TNPO1: variants seen among roughly 807,000 people sequenced by gnomAD.
TNPO1 encodes the protein transportin-1.
In TNPO1, 8 loss-of-function variants were observed where a neutral mutation model predicts 119.5. The ratio of observed to expected loss-of-function variants is 0.07; its 90% CI spans 0.04 to 0.12. The LOEUF is 0.12. TNPO1 is among the 10% of genes least tolerant of loss of function. The probability of loss-of-function intolerance (pLI) is 1.00; values close to 1 mark genes in which losing one functional copy is unlikely to be tolerated. For missense variants in TNPO1, 576 were observed against 1,089.8 expected, an observed-to-expected ratio of 0.53 and a Z score of 6.64; for synonymous variants, 362 against 363.0, an observed-to-expected ratio of 1.00 and a Z score of 0.03.
intron 5 of TNPO1, 34 bp from the exon 6 acceptor site, chr5:72,865,562 A>G: frequency 6.2e-7 from 1 of 1,606,364 alleles, no homozygotes. Context: ...TTCATTTTTA[A>G]CAAATTCTGA....
At chr5:72,898,871 A>G (rs1335224501) in intron 20 of TNPO1, among the ~76,000 whole-genome samples, 5 of 151,982 alleles carry the variant, frequency 3.3e-5, no homozygotes, top group Admixed American at 3.3e-4. Context: ...ATCCTTAAAC[A>G]TTTTTCTTTA....
intron 15 of TNPO1, among the ~76,000 whole-genome samples, chr5:72,892,419 C>T (rs1749129404): frequency 6.6e-6 from 1 of 152,066 alleles, no homozygotes; most frequent in African/African-American, 2.4e-5. Context: ...TTCTTGCTCC[C>T]TGTTATTTCA....
chr5:72,878,569 A>C (rs1375125598), intron 9 of TNPO1: 1 of 153,142 alleles, frequency 6.5e-6, no homozygotes, highest in South Asian at 2.1e-4. Context: ...TTTTCTTTCC[A>C]TCAAGAAAGC....
chr5:72,865,812 C>T, intron 6 of TNPO1, 83 bp downstream of exon 6: 1 of 1,386,436 alleles, frequency 7.2e-7, no homozygotes, highest in South Asian at 1.4e-5. Flanking sequence ...ATATTTTTGA[C>T]ATTAGCAAAA....
rs777986133 is a variant in TNPO1 at position 72,887,161 on chromosome 5, T to C, written c.1242T>C (p.Leu414=). The C allele has an allele frequency of 3.1e-6, 5 of 1,614,012 alleles. No individual in the cohort carries two copies. In the Admixed American group the frequency reaches 8.3e-5, roughly 27 times the overall value. The part of the protein sequence containing the change: ...PHILPLLKEL[L]FHHEWVVKES... ...TTTTGCCCCTTTTGAAAGAATTACT[T>C]TTTCATCATGAATGGGTTGTTAAAG... Residue 414 remains leucine (L), a synonymous_variant, in exon 12 of 25, where the codon CTT becomes CTC. Transcript: ENST00000337273.
chr5:72,904,811 A>C (rs539282022), intron 23 of TNPO1, among the ~76,000 whole-genome samples: 6 of 152,178 alleles, frequency 3.9e-5, no homozygotes, highest in Non-Finnish European at 7.4e-5. Context: ...CACACACACA[A>C]AAAGATATGC....
At position 72,863,433 on chromosome 5, in the gene TNPO1, A is replaced by G. The variant is rs1746633352; in HGVS notation, c.462+1519A>G. Among the ~76,000 whole-genome samples the G allele has an allele frequency of 2.0e-5, 3 of 152,046 alleles. No individual in the cohort carries two copies. The South Asian group carries it at 6.2e-4, about 31-fold the overall frequency. On this transcript the variant is annotated intron_variant, in intron 5 of 24. Coordinates refer to ENST00000337273, the MANE Select transcript of TNPO1 (RefSeq NM_002270.4). ...GGGCAATATGGTAAAACCCTATTAG[A>G]AGAAATTGGCCAGGTGTGATGTGTG...
rs967344455 is a variant in TNPO1, at chr5:72,911,515, G to C, written c.*2842G>C. 1 of 152,468 alleles carries C rather than the reference G, an allele frequency of 6.6e-6. No homozygotes were observed. Among genetic ancestry groups the C allele is most frequent in the Non-Finnish European group, 1.5e-5 (1 of 67,940 alleles). The allele number at this position is 152,468 out of a possible 1,614,324, so 9.4% of individuals were successfully genotyped here. On this transcript the variant is annotated 3_prime_UTR_variant, in exon 25 of 25. Coordinates refer to ENST00000337273, the MANE Select transcript of TNPO1 (RefSeq NM_002270.4). ...GAAGCCATTTAAGTTATCTTTTGAG[G>C]TAAGCTCTGATTTAGCATTTATTCT...
chr5:72,868,456 A>AAC (rs1446515320), intron 6 of TNPO1, among the ~76,000 whole-genome samples: 2 of 133,174 alleles, frequency 1.5e-5, no homozygotes, highest in Non-Finnish European at 1.8e-5. Context: ...AAAAAAAAAA[A>AAC]AAACACAAAA....
intron 9 of TNPO1, among the ~76,000 whole-genome samples, chr5:72,880,713 G>A (rs2112410190): frequency 6.6e-6 from 1 of 151,800 alleles, no homozygotes; most frequent in African/African-American, 2.4e-5. Context: ...CTACTTGGGT[G>A]GCTGAGGCAG....
chr5:72,861,416 A>AT (rs1310437999), intron 4 of TNPO1, among the ~76,000 whole-genome samples: 1 of 151,974 alleles, frequency 6.6e-6, no homozygotes, highest in East Asian at 1.9e-4. Context: ...AGTGTTACTA[A>AT]TTTTTTGAGA....
At chr5:72,827,949 A>G (rs1744280256) in intron 1 of TNPO1, among the ~76,000 whole-genome samples, 1 of 151,790 alleles carries the variant, frequency 6.6e-6, no homozygotes, top group South Asian at 2.1e-4. Context: ...TCTTTCAACC[A>G]GCAAAGTTTG....
rs1431373912 is a variant in TNPO1, at chr5:72,903,796, T to G, written c.2589+13T>G. 1 of 1,530,786 alleles carries G rather than the reference T, an allele frequency of 6.5e-7. No individual in the cohort carries two copies. Among genetic ancestry groups the G allele is most frequent in the Non-Finnish European group, 9.0e-7 (1 of 1,113,602 alleles). The allele number at this position is 1,530,786 out of a possible 1,614,324, so 94.8% of individuals were successfully genotyped here. ...CATGTTCTGTAAGGTAACTAATAAG[T>G]CTTTATAATGCATCATCTTGAGACT... On this transcript the variant is annotated intron_variant, in intron 23 of 24. Coordinates refer to ENST00000337273, the MANE Select transcript of TNPO1 (RefSeq NM_002270.4).
chr5:72,875,260 T>G (rs983482797), intron 7 of TNPO1, among the ~76,000 whole-genome samples: 1 of 152,210 alleles, frequency 6.6e-6, no homozygotes, highest in Non-Finnish European at 1.5e-5. Flanking sequence ...TTGAATCTAT[T>G]ACCACCTCTC....
chr5:72,840,970 A>G (rs975264208), intron 1 of TNPO1, among the ~76,000 whole-genome samples: 1 of 152,180 alleles, frequency 6.6e-6, no homozygotes, highest in Non-Finnish European at 1.5e-5. Flanking sequence ...TTTAAACCCC[A>G]TGTGCCTAGC....
intron 1 of TNPO1, among the ~76,000 whole-genome samples, chr5:72,844,689 G>A (rs924645264): frequency 9.9e-5 from 15 of 152,178 alleles, no homozygotes; most frequent in Admixed American, 9.8e-4. Context: ...TTTTAGGGTT[G>A]GGAAACTAAG....
At chr5:72,908,594 C>T (rs1352774789) in intron 24 of TNPO1, 115 bp from the exon 25 acceptor site, 1 of 158,376 alleles carries the variant, frequency 6.3e-6, no homozygotes, top group Non-Finnish European at 1.4e-5. Flanking sequence ...GTCCAAATTT[C>T]TCATTTTCTT....
intron 1 of TNPO1, among the ~76,000 whole-genome samples, chr5:72,839,849 C>CTTA (rs1482563897): frequency 2.6e-5 from 4 of 152,180 alleles, no homozygotes; most frequent in African/African-American, 9.7e-5. Flanking sequence ...GTTGCTTAAA[C>CTTA]ATACATGGAG....
chr5:72,835,472 G>A (rs1744658463), intron 1 of TNPO1, among the ~76,000 whole-genome samples: 1 of 152,172 alleles, frequency 6.6e-6, no homozygotes, highest in Non-Finnish European at 1.5e-5. Flanking sequence ...GAGCCTTCTT[G>A]CTGCATCCCC....
Sources: allele counts gnomAD v4.1 joint callset (sites outside exome capture counted in the v4.1 genomes callset), GRCh38; gene constraint gnomAD v4.1.1; transcripts MANE v1.5; gene names NCBI Gene and HGNC (gene_info 2026-07-23, HGNC 2026-07-21).